Variants in STK10 observed in about 807,000 individuals in gnomAD.
STK10 encodes serine/threonine-protein kinase 10.
In STK10, 78 loss-of-function variants were observed where a neutral mutation model predicts 113.8. The observed-to-expected ratio is 0.69, with a 90% CI of 0.57 to 0.83. The LOEUF (loss-of-function observed/expected upper bound fraction) is 0.83, where lower values mean the gene tolerates loss of function less well. Among genes scored for constraint, STK10 ranks in the 40% least tolerant of loss-of-function variants. The pLI, the probability that STK10 is intolerant of heterozygous loss-of-function variation, is 0.00. For missense variants in STK10, 1,109 were observed against 1,280.1 expected (o/e 0.87, Z 2.04); for synonymous variants, 465 against 494.7 (o/e 0.94, Z 0.80).
At chr5:172,089,556 AATAG>A (rs1407699661) in intron 10 of STK10, among the ~76,000 whole-genome samples, 8 of 151,966 alleles carry the variant, frequency 5.3e-5, no homozygotes, top group South Asian at 2.1e-4. Flanking sequence ...GGAGTAGGTA[AATAG>A]ATAGATGGGT....
Position 172,093,814 on chromosome 5 carries a change from C to T in STK10, c.1152G>A (p.Gly384=), listed in dbSNP as rs1391204751. The change falls in exon 9 of 19, where the codon GGG becomes GGA. Residue 384 remains glycine (G), a synonymous_variant. Coordinates refer to ENST00000176763, the MANE Select transcript of STK10 (RefSeq NM_005990.4). This position sits in a 1 kb window ranked among gnomAD's most constrained non-coding sequence, Gnocchi z 4.1. ...SVNEPCSQPS[G]DRSLQTTSPP... ...GACTGGTGGTTTGGAGGGATCTGTC[C>T]CCAGAGGGCTGGCTGCAGGGCTCAT... 4 of 1,605,712 alleles carry T rather than the reference C, an allele frequency of 2.5e-6. No individual in the cohort carries two copies. In the East Asian group the frequency reaches 6.7e-5, roughly 27 times the overall value.
intron 17 of STK10, among the ~76,000 whole-genome samples, chr5:172,053,866 G>A (rs952116215): frequency 6.6e-6 from 1 of 152,232 alleles, no homozygotes; most frequent in African/African-American, 2.4e-5. Context: ...ACTTCATACG[G>A]GCTCTCTCAG....
At chr5:172,169,803 T>G (rs993347364) in intron 1 of STK10, among the ~76,000 whole-genome samples, 2 of 152,110 alleles carry the variant, frequency 1.3e-5, no homozygotes, top group African/African-American at 4.8e-5. Context: ...CTTGGCAAAC[T>G]TAGAAATGAG....
chr5:172,080,534 G>A (rs1768405894), intron 12 of STK10, among the ~76,000 whole-genome samples: 2 of 152,360 alleles, frequency 1.3e-5, no homozygotes, highest in South Asian at 2.1e-4. Context: ...CAATGAACAC[G>A]AATGATGAGA....
Position 172,082,373 on chromosome 5 carries a change from GA to G in STK10, c.1941del (p.Arg648GlyfsTer12), listed in dbSNP as rs1561799495. 1 of 1,602,510 alleles carries G rather than the reference GA, an allele frequency of 6.2e-7. No homozygotes were observed. Among genetic ancestry groups the G allele is most frequent in the Admixed American group, 1.7e-5 (1 of 57,620 alleles). On this transcript the variant is annotated frameshift_variant, in exon 12 of 19. Coordinates refer to ENST00000176763, the MANE Select transcript of STK10 (RefSeq NM_005990.4). LOFTEE classifies it high-confidence loss of function. This position sits in a 1 kb window ranked among gnomAD's most constrained non-coding sequence, Gnocchi z 4.3. Reference sequence around the variant, plus strand: ...TGCTCTTGGAACCTGGTGTAGTCCCGATCCTGCTCCAGGCGGATCCGCCTGG... The same window carrying G: ...TGCTCTTGGAACCTGGTGTAGTCCCGTCCTGCTCCAGGCGGATCCGCCTGG... ...EEARRIRLEQDRDYTRFQEQL... is the reference protein window; with the variant it reads ...EEARRIRLEQXRDYTRFQEQL...
intron 3 of STK10, among the ~76,000 whole-genome samples, chr5:172,119,584 GC>G (rs1769459708): frequency 6.6e-6 from 1 of 152,042 alleles, no homozygotes; most frequent in Non-Finnish European, 1.5e-5. Flanking sequence ...AACAAAATAG[GC>G]CAGGCGCGGT....
At chr5:172,074,336 GGACA>G (rs548789766) in intron 12 of STK10, among the ~76,000 whole-genome samples, 15 of 152,224 alleles carry the variant, frequency 9.9e-5, no homozygotes, top group Admixed American at 2.6e-4. Context: ...TATTGGTGAA[GGACA>G]GACAAATAGA....
chr5:172,095,114 G>A (rs771737537), intron 8 of STK10, among the ~76,000 whole-genome samples: 1 of 152,200 alleles, frequency 6.6e-6, no homozygotes, highest in Non-Finnish European at 1.5e-5. Context: ...TGCTACAGAT[G>A]AGCTGTGCCT....
chr5:172,045,060 C>T (rs751749466), intron 18 of STK10, 38 bp from the exon 19 acceptor site: 2 of 1,608,482 alleles, frequency 1.2e-6, no homozygotes, highest in East Asian at 2.2e-5. Flanking sequence ...TTGGTGAGAT[C>T]TGCAGGCCAC....
chr5:172,090,504 G>T, intron 9 of STK10, 142 bp from the exon 10 acceptor site: 3 of 1,198,440 alleles, frequency 2.5e-6, no homozygotes, highest in Non-Finnish European at 3.5e-6. Flanking sequence ...CGTCCCTCTT[G>T]CCTCAACTTA....
chr5:172,125,925 G>C (rs181012466), intron 3 of STK10, among the ~76,000 whole-genome samples: 2 of 152,270 alleles, frequency 1.3e-5, no homozygotes, highest in Admixed American at 1.3e-4. Context: ...CAGGATTTGA[G>C]ACTTTAGGCA....
chr5:172,187,941 C>A lies in STK10; in HGVS notation c.102G>T (p.Glu34Asp), dbSNP rs1292629275. Reference protein sequence around the residue: ...EHVRRDLDPNEVWEIVGELGD... With the variant: ...EHVRRDLDPNDVWEIVGELGD... ...CCAGCTCGCCCACGATCTCCCACAC[C>A]TCGTTGGGGTCCAGGTCGCGGCGGA... The change falls in exon 1 of 19, where the codon GAG becomes GAT. Residue 34 changes from glutamate (E) to aspartate (D), a missense_variant. By Grantham distance (45) the Glu-to-Asp change is conservative (BLOSUM62 2). Around this residue, in one of 5 missense-constraint regions of STK10, gnomAD observed 57 missense variants for 53.6 expected, o/e 1.06. Coordinates refer to ENST00000176763, the MANE Select transcript of STK10 (RefSeq NM_005990.4). The surrounding 1 kb of genome is among the most constrained non-coding windows in gnomAD (Gnocchi z 4.6). 1.2e-6 allele frequency: 2 copies of A among 1,613,626 alleles called. No individual in the cohort carries two copies. The highest frequency in any genetic ancestry group is 2.2e-5 in the South Asian group (2 of 91,078).
At chr5:172,186,483 G>T (rs371571501) in intron 1 of STK10, among the ~76,000 whole-genome samples, 2 of 151,932 alleles carry the variant, frequency 1.3e-5, no homozygotes, top group East Asian at 3.9e-4. Context: ...AATTAGCCGG[G>T]CTGTGGTGTG....
intron 2 of STK10, among the ~76,000 whole-genome samples, chr5:172,150,452 G>A (rs1264930460): frequency 6.0e-5 from 9 of 150,254 alleles, no homozygotes. Context: ...CTGCACTCCA[G>A]CCTGGGCAAC....
In STK10 at chr5:172,044,876, C is replaced by A. The variant is rs761499757; in HGVS notation, c.*6G>T. The A allele has an allele frequency of 2.8e-5, 45 of 1,613,994 alleles. No individual in the cohort carries two copies. The highest frequency in any genetic ancestry group is 8.8e-5 in the South Asian group (8 of 91,076). On this transcript the variant is annotated 3_prime_UTR_variant, in exon 19 of 19. Coordinates refer to ENST00000176763, the MANE Select transcript of STK10 (RefSeq NM_005990.4). This position sits in a 1 kb window ranked among gnomAD's most constrained non-coding sequence, Gnocchi z 4.5. Reference sequence around the variant, plus strand: ...CCAAGCTGCCAGCCACAGCCCCGGGCGGTTGTTAAGAAGCATCCGCAGAAC... The same window carrying A: ...CCAAGCTGCCAGCCACAGCCCCGGGAGGTTGTTAAGAAGCATCCGCAGAAC...
At chr5:172,085,606 G>A (rs886161754) in intron 10 of STK10, among the ~76,000 whole-genome samples, 6 of 150,742 alleles carry the variant, frequency 4.0e-5, no homozygotes, top group Middle Eastern at 3.2e-3. Flanking sequence ...GGAGAATGGC[G>A]TGAACCTGGG....
intron 10 of STK10, among the ~76,000 whole-genome samples, chr5:172,086,973 A>G (rs1221708593): frequency 6.6e-6 from 1 of 152,150 alleles, no homozygotes; most frequent in East Asian, 1.9e-4. Context: ...CCCAGAGGGG[A>G]GGTGATGGAA....
chr5:172,083,001 T>G lies in STK10; in HGVS notation c.1769A>C (p.Gln590Pro). Residue 590 changes from glutamine to proline, a missense_variant, in exon 11 of 19, where the codon CAG (glutamine) becomes CCG (proline). Physicochemically the swap from Gln to Pro is moderately conservative, Grantham distance 76. Coordinates refer to ENST00000176763, the MANE Select transcript of STK10 (RefSeq NM_005990.4). ...QTQLSNKHEL[Q>P]LEQMHKRFEQ... ...AAAACGTTTATGCATTTGCTCCAGC[T>G]GCAGCTCATGCTTGTTACTCAGCTG... The G allele has an allele frequency of 6.2e-7, 1 of 1,614,088 alleles. No individual in the cohort carries two copies.
At chr5:172,154,334 A>G (rs1304812171) in intron 2 of STK10, among the ~76,000 whole-genome samples, 1 of 152,214 alleles carries the variant, frequency 6.6e-6, no homozygotes, top group African/African-American at 2.4e-5. Flanking sequence ...AGGGCCTTCT[A>G]CAACATGGCC....
Sources: gnomAD v4.1 joint callset for allele counts (sites outside exome capture counted in the v4.1 genomes callset) on GRCh38, gnomAD v4.1.1 for gene constraint, gnomAD v4.1.1 regional missense constraint, Gnocchi (gnomAD v3.1) non-coding constraint, MANE v1.5 for transcripts, NCBI Gene and HGNC (gene_info 2026-07-23, HGNC 2026-07-21) for gene names.